Variants in PEBP4 observed in about 807,000 individuals in gnomAD.
PEBP4 encodes phosphatidylethanolamine-binding protein 4.
In PEBP4, 22 loss-of-function variants were observed where a neutral mutation model predicts 23.9. That is an observed-to-expected ratio of 0.92 (90% CI 0.66 to 1.31). The LOEUF (loss-of-function observed/expected upper bound fraction) is 1.31, where lower values mean the gene tolerates loss of function less well. Ranked by LOEUF, PEBP4 falls within the 40% of genes most tolerant of loss-of-function variation. The pLI is 0.00. For missense variants in PEBP4, 324 were observed against 281.7 expected, an observed-to-expected ratio of 1.15 and a Z score of -1.07; for synonymous variants, 112 against 99.3, an observed-to-expected ratio of 1.13 and a Z score of -0.76.
chr8:22,796,461 T>C lies in PEBP4; in HGVS notation c.357+21176A>G, dbSNP rs542401334. Among the ~76,000 whole-genome samples the C allele has an allele frequency of 1.4e-3, 213 of 152,310 alleles. 1 individual carries two copies. Among genetic ancestry groups the C allele is most frequent in the Non-Finnish European group, 1.5e-3 (104 of 68,030 alleles). On this transcript the variant is annotated intron_variant, in intron 4 of 6. Coordinates refer to ENST00000256404, the MANE Select transcript of PEBP4 (RefSeq NM_144962.3). ...GCGGAATTGTCTCTTACTACTATCA[T>C]TGTCAACAGTGCAATCAGTAATCAG...
intron 3 of PEBP4, among the ~76,000 whole-genome samples, chr8:22,830,078 T>C (rs1807050356): frequency 6.6e-6 from 1 of 151,992 alleles, no homozygotes; most frequent in Non-Finnish European, 1.5e-5. Flanking sequence ...TCCTCAAGCC[T>C]TGTTTTCCCC....
intron 4 of PEBP4, among the ~76,000 whole-genome samples, chr8:22,768,918 G>T (rs562896905): frequency 6.6e-6 from 1 of 152,162 alleles, no homozygotes; most frequent in South Asian, 2.1e-4. Flanking sequence ...AGTCGTCTCC[G>T]GGGCTCTGCC....
chr8:22,859,554 A>G (rs1433456662), intron 3 of PEBP4, among the ~76,000 whole-genome samples: 2 of 152,208 alleles, frequency 1.3e-5, no homozygotes. Context: ...GAACTGAGAT[A>G]GCAGCTTGGC....
upstream of PEBP4, among the ~76,000 whole-genome samples, chr8:22,929,715 T>C (rs1336870337): frequency 1.3e-5 from 2 of 152,190 alleles, no homozygotes; most frequent in Non-Finnish European, 1.5e-5. Context: ...ATTGAGTCCA[T>C]GCTTTGTTTT....
chr8:22,889,652 A>G (rs1808452064), intron 3 of PEBP4, among the ~76,000 whole-genome samples: 1 of 152,170 alleles, frequency 6.6e-6, no homozygotes, highest in Non-Finnish European at 1.5e-5. Context: ...TATCAATAGC[A>G]TCTACCGTAT....
chr8:22,782,956 C>T (rs1209018681), intron 4 of PEBP4, among the ~76,000 whole-genome samples: 2 of 152,212 alleles, frequency 1.3e-5, no homozygotes, highest in Non-Finnish European at 2.9e-5. Context: ...CTTTCCTGCC[C>T]AGACCCATAA....
intron 6 of PEBP4, among the ~76,000 whole-genome samples, chr8:22,714,580 G>GGA (rs1271150002): frequency 6.6e-6 from 1 of 151,920 alleles, no homozygotes; most frequent in Non-Finnish European, 1.5e-5. Flanking sequence ...CTCCCAGGGT[G>GGA]GAGAGAGAGT....
At chr8:22,793,289 C>G (rs894165850) in intron 4 of PEBP4, among the ~76,000 whole-genome samples, 1 of 152,064 alleles carries the variant, frequency 6.6e-6, no homozygotes, top group Non-Finnish European at 1.5e-5. Context: ...TCTTTTGAGA[C>G]AGAGTTTCAC....
chr8:22,936,240 T>C (rs1010710426), intron 1 of PEBP4, among the ~76,000 whole-genome samples: 1 of 151,560 alleles, frequency 6.6e-6, no homozygotes, highest in African/African-American at 2.4e-5. Context: ...GAGATTACTC[T>C]AAAATTTATA....
At chr8:22,906,228 C>T (rs569560716) in intron 3 of PEBP4, among the ~76,000 whole-genome samples, 2 of 152,218 alleles carry the variant, frequency 1.3e-5, no homozygotes, top group South Asian at 4.1e-4. Flanking sequence ...AAGACACTGT[C>T]CAGGCAGAGG....
Position 22,795,164 on chromosome 8 carries a change from T to TATATATATATATATA in PEBP4, c.357+22472_357+22473insTATATATATATATAT, listed in dbSNP as rs1491200518. Among the ~76,000 whole-genome samples the TATATATATATATATA allele has an allele frequency of 1.4e-3, 25 of 17,516 alleles. 1 individual carries two copies. The highest frequency in any genetic ancestry group is 2.0e-3 in the African/African-American group (6 of 3,076). 11.5% of individuals were successfully genotyped at this position (17,516 alleles called of 152,430 possible). On this transcript the variant is annotated intron_variant, in intron 4 of 6. Transcript: ENST00000256404. Reference sequence around the variant, plus strand: ...GTGTGTATATATATATATATATATATTTTTTTTTTTTTTTTTTTTTTTTTT... The same window carrying TATATATATATATATA: ...GTGTGTATATATATATATATATATATATATATATATATATATTTTTTTTTTTTTTTTTTTTTTTTT...
chr8:22,745,573 A>G (rs1481730287), intron 4 of PEBP4: 1 of 152,248 alleles, frequency 6.6e-6, no homozygotes, highest in African/African-American at 2.4e-5. Context: ...AATCCAGTTC[A>G]CACTTCTTTC....
chr8:22,925,370 G>C (rs1003103763), intron 2 of PEBP4: 2 of 969,672 alleles, frequency 2.1e-6, no homozygotes, highest in Non-Finnish European at 2.5e-6. Context: ...GATAGGGAAA[G>C]AGCGTGAGTG....
intron 2 of PEBP4, among the ~76,000 whole-genome samples, chr8:22,925,955 A>C (rs1438389634): frequency 6.6e-6 from 1 of 152,044 alleles, no homozygotes; most frequent in Admixed American, 6.6e-5. Flanking sequence ...CTTCACCCAG[A>C]ACTGTTTTCT....
chr8:22,891,571 T>TC (rs1169594832), intron 3 of PEBP4, among the ~76,000 whole-genome samples: 1 of 152,216 alleles, frequency 6.6e-6, no homozygotes, highest in Non-Finnish European at 1.5e-5. Context: ...AATGGGAAGC[T>TC]CCTGATGCAA....
intron 4 of PEBP4, among the ~76,000 whole-genome samples, chr8:22,769,402 T>C (rs961709429): frequency 6.6e-6 from 1 of 152,238 alleles, no homozygotes; most frequent in Non-Finnish European, 1.5e-5. Flanking sequence ...CCTGTCTCAG[T>C]GGCTCTGGAT....
chr8:22,877,163 C>T (rs1413494521), intron 3 of PEBP4, among the ~76,000 whole-genome samples: 2 of 152,206 alleles, frequency 1.3e-5, no homozygotes, highest in Non-Finnish European at 2.9e-5. Context: ...AATCCTCAAA[C>T]AGCCCTCAGC....
chr8:22,882,409 G>A (rs1808279583), intron 3 of PEBP4, among the ~76,000 whole-genome samples: 1 of 152,182 alleles, frequency 6.6e-6, no homozygotes, highest in Non-Finnish European at 1.5e-5. Flanking sequence ...GAAGGGAGGT[G>A]GGTGCTTTTC....
At chr8:22,780,437 CT>C (rs2128755153) in intron 4 of PEBP4, among the ~76,000 whole-genome samples, 1 of 152,294 alleles carries the variant, frequency 6.6e-6, no homozygotes, top group African/African-American at 2.4e-5. Flanking sequence ...ACTAGGTCCT[CT>C]CCCCTCCCTA....
Sources: allele counts gnomAD v4.1 joint callset (sites outside exome capture counted in the v4.1 genomes callset), GRCh38; gene constraint gnomAD v4.1.1; transcripts MANE v1.5; gene names NCBI Gene and HGNC (gene_info 2026-07-23, HGNC 2026-07-21).